Variants in XIRP2 observed in about 807,000 individuals in gnomAD.
The protein encoded by XIRP2 is xin actin-binding repeat-containing protein 2.
XIRP2 carries 236 observed loss-of-function variants against 277.0 expected under a neutral mutation model. That is an observed-to-expected ratio of 0.85 (90% CI 0.77 to 0.95). The LOEUF (loss-of-function observed/expected upper bound fraction) is 0.95. Ranked by LOEUF, XIRP2 falls within the 40% of genes least tolerant of loss-of-function variation. The pLI is 0.00. For synonymous variants in XIRP2, 1,490 were observed against 1,416.5 expected (o/e 1.05, Z -1.17); for missense variants, 4,640 against 4,157.5 (o/e 1.12, Z -3.19).
At chr2:167,080,561 C>T (rs1689701927) in intron 2 of XIRP2, among the ~76,000 whole-genome samples, 1 of 152,076 alleles carries the variant, frequency 6.6e-6, no homozygotes. Context: ...TCCTCTCATC[C>T]CTAGGAGATT....
At chr2:166,933,750 T>A (rs1444249719) in intron 2 of XIRP2, among the ~76,000 whole-genome samples, 4 of 152,156 alleles carry the variant, frequency 2.6e-5, no homozygotes, top group South Asian at 2.1e-4. Context: ...TTGAGGAAGT[T>A]AACCAGATTT....
chr2:167,026,346 T>C (rs1205602395), intron 2 of XIRP2, among the ~76,000 whole-genome samples: 1 of 152,186 alleles, frequency 6.6e-6, no homozygotes, highest in African/African-American at 2.4e-5. Flanking sequence ...AGCCTATGTG[T>C]GTCTCTGCAC....
In XIRP2 at chr2:167,005,475, T is replaced by C. The variant is rs953530366; in HGVS notation, c.408+101585T>C. On this transcript the variant is annotated intron_variant, in intron 2 of 10. Transcript: ENST00000409195. ...TAATTAAAGTCACCCAGTGAGTCAG[T>C]GGGTGCTGAAAATGTTGAGAATTAT... Among the ~76,000 whole-genome samples the C allele has an allele frequency of 2.0e-5, 3 of 151,812 alleles. No individual in the cohort carries two copies. The South Asian group carries it at 6.2e-4, about 31-fold the overall frequency.
chr2:167,082,885 T>C (rs1689783635), intron 2 of XIRP2, among the ~76,000 whole-genome samples: 1 of 152,132 alleles, frequency 6.6e-6, no homozygotes. Context: ...TTCTCCCATT[T>C]TGTAGGTTGC....
At chr2:167,031,904 A>AC (rs1688372043) in intron 2 of XIRP2, among the ~76,000 whole-genome samples, 1 of 152,050 alleles carries the variant, frequency 6.6e-6, no homozygotes, top group African/African-American at 2.4e-5. Context: ...ATTCAGTGCT[A>AC]CCCCCATCAA....
chr2:167,090,759 C>G (rs1206470997), intron 2 of XIRP2, among the ~76,000 whole-genome samples: 2 of 151,996 alleles, frequency 1.3e-5, no homozygotes, highest in Non-Finnish European at 2.9e-5. Context: ...AACCCACACT[C>G]AAGGGGAACC....
chr2:167,237,928 A>T, intron 5 of XIRP2, among the ~76,000 whole-genome samples: 1 of 152,160 alleles, frequency 6.6e-6, no homozygotes, highest in East Asian at 1.9e-4. Context: ...GCAGTTGTCA[A>T]TGATTGTTAT....
intron 2 of XIRP2, among the ~76,000 whole-genome samples, chr2:167,074,051 T>C (rs1689501654): frequency 6.6e-6 from 1 of 152,126 alleles, no homozygotes. Flanking sequence ...TTGCATAAAT[T>C]TGAGATAGTA....
chr2:167,208,669 T>A (rs1693929664), intron 3 of XIRP2, among the ~76,000 whole-genome samples: 1 of 152,128 alleles, frequency 6.6e-6, no homozygotes, highest in Admixed American at 6.5e-5. Flanking sequence ...GATTTCTTTT[T>A]GACAAATAAT....
In XIRP2 at chr2:166,903,707, G is replaced by C; in HGVS notation, c.225G>C (p.Pro75=). The C allele has an allele frequency of 1.2e-6, 2 of 1,613,628 alleles. No individual in the cohort carries two copies. Among genetic ancestry groups the C allele is most frequent in the Non-Finnish European group, 1.7e-6 (2 of 1,179,786 alleles). ...GGGAAGAGATGTGGAGTTCGAAGCC[G>C]GAAGAGAAGGATTCTGTGGACAAGA... ...STGEEMWSSK[P]EEKDSVDKSN... Residue 75 remains proline (P), a synonymous_variant, in exon 2 of 11, where the codon CCG becomes CCC. Coordinates refer to ENST00000409195, the MANE Select transcript of XIRP2 (RefSeq NM_152381.6).
At chr2:167,105,135 T>A (rs1690583572) in intron 2 of XIRP2, among the ~76,000 whole-genome samples, 2 of 151,952 alleles carry the variant, frequency 1.3e-5, no homozygotes, top group Non-Finnish European at 2.9e-5. Flanking sequence ...CACACAGAAT[T>A]GTAAGAAATA....
chr2:167,164,635 A>G (rs73020002), intron 3 of XIRP2, among the ~76,000 whole-genome samples: 15,030 of 152,156 alleles, frequency 0.099, 798 homozygotes, highest in South Asian at 0.15. Context: ...AATTTACTCC[A>G]TGAATATTTC....
rs928660047 is a variant in XIRP2 at position 167,210,655 on chromosome 2, T to C, written c.563-80T>C. Reference sequence around the variant, plus strand: ...ATTTTACGAGATCAAGTATTTTAAATGCTTCACCATTTATAAGGTGATGCT... The same window carrying C: ...ATTTTACGAGATCAAGTATTTTAAACGCTTCACCATTTATAAGGTGATGCT... On this transcript the variant is annotated intron_variant, in intron 3 of 10. Coordinates refer to ENST00000409195, the MANE Select transcript of XIRP2 (RefSeq NM_152381.6). The C allele has an allele frequency of 3.3e-6, 5 of 1,509,378 alleles. No homozygotes were observed. The African/African-American group carries it at 6.9e-5, about 21-fold the overall frequency. The allele number at this position is 1,509,378 out of a possible 1,614,324, so 93.5% of individuals were successfully genotyped here.
At chr2:167,071,526 TAGG>T (rs1191592689) in intron 2 of XIRP2, among the ~76,000 whole-genome samples, 2 of 152,180 alleles carry the variant, frequency 1.3e-5, no homozygotes, top group Non-Finnish European at 2.9e-5. Flanking sequence ...AGCAAACTCG[TAGG>T]AGAAGGTTGG....
intron 3 of XIRP2, among the ~76,000 whole-genome samples, chr2:167,179,225 G>A (rs537794980): frequency 3.3e-5 from 5 of 151,248 alleles, no homozygotes; most frequent in South Asian, 2.1e-4. Flanking sequence ...TAAGCTTCCC[G>A]TTCTTTACTC....
At chr2:167,068,512 G>T (rs1438698096) in intron 2 of XIRP2, among the ~76,000 whole-genome samples, 1 of 152,012 alleles carries the variant, frequency 6.6e-6, no homozygotes, top group Non-Finnish European at 1.5e-5. Context: ...AAAAGCTCTA[G>T]AACAGGGTCA....
At position 167,247,979 on chromosome 2, in the gene XIRP2, A is replaced by C; in HGVS notation, c.6587A>C (p.Asn2196Thr). 6.2e-7 allele frequency: 1 copy of C among 1,611,656 alleles called. No homozygotes were observed. The highest frequency in any genetic ancestry group is 8.5e-7 in the Non-Finnish European group (1 of 1,179,264). ...TTAAAGCAAGAAACAAAATATTCTAATAAGGATATAAAGAAAAAGAATATA... is the reference window on the plus strand; with the variant it reads ...TTAAAGCAAGAAACAAAATATTCTACTAAGGATATAAAGAAAAAGAATATA... The part of the protein sequence containing the change: ...TLLKQETKYS[N>T]KDIKKKNINL... Residue 2196 changes from asparagine (N) to threonine (T), a missense_variant, in exon 9 of 11, where the codon AAT (asparagine) becomes ACT (threonine). By Grantham distance (65) the Asn-to-Thr change is moderately conservative (BLOSUM62 0). Transcript: ENST00000409195.
rs188586516 is a variant in XIRP2, at chr2:167,004,021, T to C, written c.408+100131T>C. Among the ~76,000 whole-genome samples the C allele has an allele frequency of 1.1e-3, 165 of 152,058 alleles. 3 individuals are homozygous for C. Among genetic ancestry groups the C allele is most frequent in the Admixed American group, 0.011 (161 of 15,206 alleles). ...CTGGTTAATGCAGGAAATAATTTCA[T>C]TGTCATTTCATTTTAATAAAGTTGT... On this transcript the variant is annotated intron_variant, in intron 2 of 10. Transcript: ENST00000409195.
intron 2 of XIRP2, among the ~76,000 whole-genome samples, chr2:167,006,880 A>G (rs1401774350): frequency 2.0e-5 from 3 of 151,646 alleles, no homozygotes; most frequent in Non-Finnish European, 4.4e-5. Context: ...CATCTTTCCC[A>G]TTCTTTAATA....
Sources: gnomAD v4.1 joint callset for allele counts (sites outside exome capture counted in the v4.1 genomes callset) on GRCh38, gnomAD v4.1.1 for gene constraint, MANE v1.5 for transcripts, NCBI Gene and HGNC (gene_info 2026-07-23, HGNC 2026-07-21) for gene names.